Variants in IGSF23 observed in about 807,000 individuals in gnomAD.
IGSF23 encodes the protein immunoglobulin superfamily, member 23.
A neutral mutation model predicts 17.8 loss-of-function variants in IGSF23; 14 were observed. The observed-to-expected ratio is 0.79, with a 90% CI of 0.52 to 1.23. IGSF23 has a LOEUF of 1.23. Among genes scored for constraint, IGSF23 ranks in the 50% most tolerant of loss-of-function variants. The pLI, the probability that IGSF23 is intolerant of heterozygous loss-of-function variation, is 0.00. For synonymous variants in IGSF23, 85 were observed against 92.5 expected (o/e 0.92, Z 0.46); for missense variants, 214 against 241.7 (o/e 0.89, Z 0.76).
chr19:44,636,625 C>T lies in IGSF23; in HGVS notation c.*238C>T, dbSNP rs909827921. ...GTGACACGTTGTGCAAGCAAAGCAT[C>T]AGAGGCTCATCCCTGTCTGTGGGAG... On this transcript the variant is annotated 3_prime_UTR_variant, in exon 5 of 5. Coordinates refer to ENST00000402988, the MANE Select transcript of IGSF23 (RefSeq NM_001205280.2). The T allele has an allele frequency of 2.0e-5, 3 of 152,216 alleles. No individual in the cohort carries two copies. The highest frequency in any genetic ancestry group is 4.4e-5 in the Non-Finnish European group (3 of 68,042). 9.4% of individuals were successfully genotyped at this position (152,216 alleles called of 1,614,324 possible).
At chr19:44,617,539 C>G (rs1341061109) in intron 1 of IGSF23, among the ~76,000 whole-genome samples, 1 of 152,142 alleles carries the variant, frequency 6.6e-6, no homozygotes, top group African/African-American at 2.4e-5. Flanking sequence ...TAAATATACA[C>G]AATTTGTATT....
chr19:44,619,918 C>T (rs1181399455), intron 1 of IGSF23, among the ~76,000 whole-genome samples: 1 of 152,130 alleles, frequency 6.6e-6, no homozygotes, highest in African/African-American at 2.4e-5. Context: ...CAATTCAGTT[C>T]ATAACAGAGA....
At chr19:44,621,081 A>G (rs1352286625) in intron 1 of IGSF23, among the ~76,000 whole-genome samples, 2 of 152,048 alleles carry the variant, frequency 1.3e-5, no homozygotes, top group African/African-American at 4.8e-5. Flanking sequence ...CAGAAGTTCG[A>G]GACCAGCCTG....
At position 44,635,424 on chromosome 19, in the gene IGSF23, T is replaced by A; in HGVS notation, c.569T>A (p.Ile190Lys). 1 of 1,549,372 alleles carries A rather than the reference T, an allele frequency of 6.5e-7. No individual in the cohort carries two copies. The highest frequency in any genetic ancestry group is 1.2e-5 in the South Asian group (1 of 83,996). ...AGGACTGACAGGCAGAGAATAGGAATATGCAGCTGAAATGTGGGCAACTCT... is the reference window on the plus strand; with the variant it reads ...AGGACTGACAGGCAGAGAATAGGAAAATGCAGCTGAAATGTGGGCAACTCT... The part of the protein sequence containing the change: ...SLRTDRQRIG[I>K]CS Residue 190 changes from isoleucine to lysine, a missense_variant, in exon 4 of 5, where the codon ATA (isoleucine) becomes AAA (lysine). Ile to Lys is a moderately radical substitution (Grantham distance 102). Coordinates refer to ENST00000402988, the MANE Select transcript of IGSF23 (RefSeq NM_001205280.2).
At chr19:44,630,713 G>A (rs201962554) in intron 3 of IGSF23, among the ~76,000 whole-genome samples, 3 of 137,184 alleles carry the variant, frequency 2.2e-5, no homozygotes, top group Non-Finnish European at 3.2e-5. Flanking sequence ...ATGAGGCCAC[G>A]TGTCATGGAC....
chr19:44,629,399 GT>G (rs36028982), intron 3 of IGSF23, among the ~76,000 whole-genome samples: 9,585 of 146,092 alleles, frequency 0.066, 368 homozygotes, highest in South Asian at 0.18. Context: ...CAAAACTAAA[GT>G]TTTTTTTTTT....
intron 3 of IGSF23, among the ~76,000 whole-genome samples, chr19:44,631,846 C>T (rs12985368): frequency 0.2 from 31,042 of 152,100 alleles, 3,424 homozygotes; most frequent in East Asian, 0.46. Context: ...CCTGGGTGGG[C>T]AAGGTGTTCC....
intron 3 of IGSF23, among the ~76,000 whole-genome samples, chr19:44,629,489 G>T (rs1972721199): frequency 6.6e-6 from 1 of 151,942 alleles, no homozygotes; most frequent in Non-Finnish European, 1.5e-5. Flanking sequence ...TTGAGCCCAG[G>T]AATTTGAGGC....
At chr19:44,627,683 AG>A (rs1438276118) in intron 3 of IGSF23, 110 bp downstream of exon 3, 13 of 1,269,108 alleles carry the variant, frequency 1.0e-5, no homozygotes, top group Non-Finnish European at 1.4e-5. Context: ...CCCATCAGGG[AG>A]GGTGATAGCG....
intron 4 of IGSF23, 76 bp downstream of exon 4, chr19:44,635,541 T>G: frequency 1.0e-6 from 1 of 990,576 alleles, no homozygotes. Flanking sequence ...ACTCCATATG[T>G]GATTTCCTCC....
chr19:44,629,849 G>A (rs1972730274), intron 3 of IGSF23, among the ~76,000 whole-genome samples: 1 of 151,962 alleles, frequency 6.6e-6, no homozygotes, highest in Non-Finnish European at 1.5e-5. Context: ...GGCCAGGATG[G>A]TCTTGATCTC....
chr19:44,635,538 ATGT>A (rs1972872427), intron 4 of IGSF23, 73 bp downstream of exon 4: 1 of 1,038,974 alleles, frequency 9.6e-7, no homozygotes, highest in Non-Finnish European at 1.4e-6. Context: ...GAGACTCCAT[ATGT>A]GATTTCCTCC....
chr19:44,616,709 A>AG (rs1326766552), intron 1 of IGSF23, among the ~76,000 whole-genome samples: 2 of 151,558 alleles, frequency 1.3e-5, no homozygotes, highest in Non-Finnish European at 2.9e-5. Flanking sequence ...AAAAAAAAAA[A>AG]AAGAAGAAGG....
rs1348120605 is a variant in IGSF23, at chr19:44,613,775, G to A, written c.125+5G>A. 1 of 1,550,458 alleles carries A rather than the reference G, an allele frequency of 6.4e-7. No homozygotes were observed. Among genetic ancestry groups the A allele is most frequent in the Non-Finnish European group, 8.7e-7 (1 of 1,146,904 alleles). The stretch of plus-strand genomic sequence containing the variant: ...TGACTTCCCAGCCAACTTGGTGTAA[G>A]TCATGTGGGGAAGTGGCCAGGGTAG... On this transcript the variant is annotated splice_donor_5th_base_variant and intron_variant, in intron 1 of 4. Transcript: ENST00000402988.
Position 44,613,563 on chromosome 19 carries a change from A to G in IGSF23, c.-83A>G. The stretch of plus-strand genomic sequence containing the variant: ...CCTCCTACCAGGTTGACCTTTGGCC[A>G]TTCCTTGCCTTTGATGTGAGTGATA... On this transcript the variant is annotated 5_prime_UTR_variant, in exon 1 of 5. Transcript: ENST00000402988. The G allele has an allele frequency of 6.9e-7, 1 of 1,451,942 alleles. No individual in the cohort carries two copies. The highest frequency in any genetic ancestry group is 1.4e-5 in the African/African-American group (1 of 70,460). The allele number at this position is 1,451,942 out of a possible 1,614,324, so 89.9% of individuals were successfully genotyped here.
chr19:44,633,996 A>T (rs1173351973), intron 3 of IGSF23, among the ~76,000 whole-genome samples: 1 of 152,240 alleles, frequency 6.6e-6, no homozygotes, highest in Non-Finnish European at 1.5e-5. Flanking sequence ...TTTTAAACTT[A>T]AACTAGACCT....
At chr19:44,633,460 C>T (rs1385198134) in intron 3 of IGSF23, among the ~76,000 whole-genome samples, 3 of 152,144 alleles carry the variant, frequency 2.0e-5, no homozygotes, top group Non-Finnish European at 2.9e-5. Flanking sequence ...TATAATTGTT[C>T]TGGAGTTAGA....
intron 1 of IGSF23, among the ~76,000 whole-genome samples, chr19:44,616,533 T>C (rs537374216): frequency 4.6e-5 from 7 of 151,690 alleles, no homozygotes; most frequent in Middle Eastern, 3.4e-3. Context: ...CTGTCTCTAC[T>C]AAAATACAAA....
At chr19:44,615,885 T>G (rs1240525488) in intron 1 of IGSF23, among the ~76,000 whole-genome samples, 1 of 122,352 alleles carries the variant, frequency 8.2e-6, no homozygotes, top group Non-Finnish European at 1.6e-5. Context: ...CACGGCATGC[T>G]GTGTGTTGCT....
Sources: allele counts gnomAD v4.1 joint callset (sites outside exome capture counted in the v4.1 genomes callset), GRCh38; gene constraint gnomAD v4.1.1; transcripts MANE v1.5; gene names NCBI Gene and HGNC (gene_info 2026-07-23, HGNC 2026-07-21).